The following KIRREL3 variants were observed in gnomAD, a reference collection of about 807,000 sequenced individuals.
KIRREL3 encodes the protein kirre like nephrin family adhesion molecule 3.
KIRREL3 carries 36 observed loss-of-function variants against 89.7 expected under a neutral mutation model. The ratio of observed to expected loss-of-function variants is 0.40; its 90% CI spans 0.31 to 0.53. KIRREL3 has a LOEUF of 0.53. KIRREL3 is among the 20% of genes least tolerant of loss of function. The pLI is 0.49. For synonymous variants in KIRREL3, 445 were observed against 441.4 expected (o/e 1.01, Z -0.10); for missense variants, 864 against 1,056.6 (o/e 0.82, Z 2.53).
At chr11:126,500,596 T>C (rs545234667) in intron 4 of KIRREL3, among the ~76,000 whole-genome samples, 1 of 152,110 alleles carries the variant, frequency 6.6e-6, no homozygotes, top group Admixed American at 6.5e-5. Flanking sequence ...AAAAATTAGC[T>C]GGGCGTGGTG....
intron 1 of KIRREL3, among the ~76,000 whole-genome samples, chr11:126,813,430 A>G (rs1303176480): frequency 6.6e-6 from 1 of 152,160 alleles, no homozygotes; most frequent in Non-Finnish European, 1.5e-5. Flanking sequence ...CTTATCACAC[A>G]TTTGCACTGC....
chr11:126,519,655 A>T lies in KIRREL3; in HGVS notation c.433+1660T>A, dbSNP rs1958524406. Among the ~76,000 whole-genome samples, 1 of 152,286 alleles carries T rather than the reference A, an allele frequency of 6.6e-6. No individual in the cohort carries two copies. Among genetic ancestry groups the T allele is most frequent in the African/African-American group, 2.4e-5 (1 of 41,544 alleles). ...CTCTGGCCCCTCTAGAAGGTGTATG[A>T]GTCGGTAGAGGCAGATTCTTCTGAG... On this transcript the variant is annotated intron_variant, in intron 4 of 16. Transcript: ENST00000525144. The surrounding 1 kb of genome is among the most constrained non-coding windows in gnomAD (Gnocchi z 4.3).
intron 1 of KIRREL3, among the ~76,000 whole-genome samples, chr11:126,813,865 T>C (rs1049213753): frequency 6.6e-5 from 10 of 151,692 alleles, no homozygotes; most frequent in African/African-American, 1.2e-4. Flanking sequence ...AAGGGTTTCA[T>C]GATGAAAACG....
At chr11:126,693,718 T>C (rs1946974433) in intron 1 of KIRREL3, among the ~76,000 whole-genome samples, 1 of 152,206 alleles carries the variant, frequency 6.6e-6, no homozygotes, top group South Asian at 2.1e-4. Context: ...TGTAGCCTTC[T>C]ACATTAATGT....
chr11:126,973,807 T>C (rs914476427), intron 1 of KIRREL3, among the ~76,000 whole-genome samples: 5 of 152,152 alleles, frequency 3.3e-5, no homozygotes, highest in African/African-American at 1.2e-4. Flanking sequence ...TAAATGTTAG[T>C]TGCATTCATT....
At position 126,682,155 on chromosome 11, in the gene KIRREL3, C is replaced by A; in HGVS notation, c.56-119243G>T. 1 of 330,958 alleles carries A rather than the reference C, an allele frequency of 3.0e-6. No individual in the cohort carries two copies. The highest frequency in any genetic ancestry group is 6.0e-6 in the Non-Finnish European group (1 of 167,902). The allele number at this position is 330,958 out of a possible 1,614,324, so 20.5% of individuals were successfully genotyped here. On this transcript the variant is annotated intron_variant, in intron 1 of 16. Transcript: ENST00000525144. This position sits in a 1 kb window ranked among gnomAD's most constrained non-coding sequence, Gnocchi z 4.8. ...CTGGGTGAAGGAAGAGTGGGCATCA[C>A]AGAGCTGCTGTGGAGTGTGTGCACA...
chr11:126,895,746 G>A (rs886382805), intron 1 of KIRREL3, among the ~76,000 whole-genome samples: 1 of 152,118 alleles, frequency 6.6e-6, no homozygotes, highest in Non-Finnish European at 1.5e-5. Flanking sequence ...GCTGGTGGGG[G>A]TTGGAGCTTC....
intron 1 of KIRREL3, among the ~76,000 whole-genome samples, chr11:126,836,152 A>C (rs1282577484): frequency 6.6e-6 from 1 of 152,204 alleles, no homozygotes; most frequent in Non-Finnish European, 1.5e-5. Flanking sequence ...AACGGTGCAA[A>C]CAATAGTTTT....
intron 1 of KIRREL3, among the ~76,000 whole-genome samples, chr11:126,864,452 C>G (rs888180240): frequency 6.6e-6 from 1 of 152,208 alleles, no homozygotes; most frequent in Non-Finnish European, 1.5e-5. Context: ...CATGTGACAG[C>G]CACATGGTAG....
Position 126,917,683 on chromosome 11 carries a change from CATACTAGAAACCAT to C in KIRREL3, c.55+82758_55+82771del, listed in dbSNP as rs1288709793. On this transcript the variant is annotated intron_variant, in intron 1 of 16. Coordinates refer to ENST00000525144, the MANE Select transcript of KIRREL3 (RefSeq NM_032531.4). This position sits in a 1 kb window ranked among gnomAD's most constrained non-coding sequence, Gnocchi z 5.0. ...TACTAGAAACCATATATGTATACCACATACTAGAAACCATATACTAGAAACCACTCACACTAGAA... is the reference window on the plus strand; with the variant it reads ...TACTAGAAACCATATATGTATACCACATACTAGAAACCACTCACACTAGAA... Among the ~76,000 whole-genome samples the C allele has an allele frequency of 3.9e-5, 6 of 152,106 alleles. No individual in the cohort carries two copies. Among genetic ancestry groups the C allele is most frequent in the African/African-American group, 1.4e-4 (6 of 41,414 alleles).
chr11:126,451,967 C>T (rs1463209707), intron 7 of KIRREL3, among the ~76,000 whole-genome samples: 1 of 152,146 alleles, frequency 6.6e-6, no homozygotes, highest in Admixed American at 6.5e-5. Flanking sequence ...CTCTGCTCCC[C>T]TGCTTTGCCT....
intron 2 of KIRREL3, among the ~76,000 whole-genome samples, chr11:126,548,132 A>G (rs1205891382): frequency 6.6e-6 from 1 of 152,014 alleles, no homozygotes; most frequent in Non-Finnish European, 1.5e-5. Context: ...TCCCACCTCC[A>G]GTCCTCCACG....
intron 1 of KIRREL3, among the ~76,000 whole-genome samples, chr11:126,727,018 G>T (rs917958048): frequency 6.6e-6 from 1 of 152,156 alleles, no homozygotes; most frequent in African/African-American, 2.4e-5. Flanking sequence ...AGATTTCCGC[G>T]TAGCCTACCT....
intron 4 of KIRREL3, among the ~76,000 whole-genome samples, chr11:126,502,355 C>G (rs573343080): frequency 6.6e-6 from 1 of 152,348 alleles, no homozygotes; most frequent in South Asian, 2.1e-4. Context: ...ACAGCCCCTC[C>G]TCCACTCCTC....
At chr11:126,714,194 A>T (rs1467541685) in intron 1 of KIRREL3, among the ~76,000 whole-genome samples, 1 of 152,168 alleles carries the variant, frequency 6.6e-6, no homozygotes, top group African/African-American at 2.4e-5. Flanking sequence ...CCTGCCTTAC[A>T]CAGTTCTGGC....
At chr11:126,847,163 T>C (rs1399777622) in intron 1 of KIRREL3, among the ~76,000 whole-genome samples, 1 of 152,328 alleles carries the variant, frequency 6.6e-6, no homozygotes, top group East Asian at 1.9e-4. Flanking sequence ...TTTTTTGGTA[T>C]AAAAATCATA....
intron 1 of KIRREL3, among the ~76,000 whole-genome samples, chr11:126,920,809 G>T (rs530330304): frequency 6.6e-6 from 1 of 152,062 alleles, no homozygotes; most frequent in Non-Finnish European, 1.5e-5. Flanking sequence ...AGAAAACCCC[G>T]CGCCTAGGTC....
In KIRREL3 at chr11:126,708,190, T is replaced by C. The variant is rs189586807; in HGVS notation, c.56-145278A>G. Among the ~76,000 whole-genome samples the C allele has an allele frequency of 4.3e-4, 65 of 152,308 alleles. No individual in the cohort carries two copies. Among genetic ancestry groups the C allele is most frequent in the African/African-American group, 1.4e-3 (60 of 41,560 alleles). ...GGCGGTATTCATGCCGCCTGGAAAC[T>C]CATCTGCCTGTGCCGCTGCTTTTTC... On this transcript the variant is annotated intron_variant, in intron 1 of 16. Coordinates refer to ENST00000525144, the MANE Select transcript of KIRREL3 (RefSeq NM_032531.4). The surrounding 1 kb of genome is among the most constrained non-coding windows in gnomAD (Gnocchi z 5.7).
upstream of KIRREL3, among the ~76,000 whole-genome samples, chr11:127,001,522 G>A (rs953317542): frequency 6.6e-6 from 1 of 152,070 alleles, no homozygotes; most frequent in Admixed American, 6.5e-5. Flanking sequence ...TCTAATGAGC[G>A]CTCCATCACT....
Sources: gnomAD v4.1 joint callset for allele counts (sites outside exome capture counted in the v4.1 genomes callset) on GRCh38, gnomAD v4.1.1 for gene constraint, Gnocchi (gnomAD v3.1) non-coding constraint, MANE v1.5 for transcripts, NCBI Gene and HGNC (gene_info 2026-07-23, HGNC 2026-07-21) for gene names.